The following ESYT2 variants were observed in gnomAD, a reference collection of about 807,000 sequenced individuals.
ESYT2 encodes the protein extended synaptotagmin 2.
ESYT2 carries 54 observed loss-of-function variants against 107.2 expected under a neutral mutation model. The ratio of observed to expected loss-of-function variants is 0.50; its 90% confidence interval spans 0.40 to 0.63. The LOEUF (loss-of-function observed/expected upper bound fraction) is 0.63, where lower values mean the gene tolerates loss of function less well. Among genes scored for constraint, ESYT2 ranks in the 30% least tolerant of loss-of-function variants. The pLI, the probability that ESYT2 is intolerant of heterozygous loss-of-function variation, is 0.00. For missense variants in ESYT2, 1,020 were observed against 1,094.5 expected, an observed-to-expected ratio of 0.93 and a Z score of 0.96; for synonymous variants, 491 against 434.1, an observed-to-expected ratio of 1.13 and a Z score of -1.63.
chr7:158,737,814 C>A (rs570010417), intron 19 of ESYT2, among the ~76,000 whole-genome samples: 1 of 152,064 alleles, frequency 6.6e-6, no homozygotes, highest in South Asian at 2.1e-4. Flanking sequence ...TTATAAGCAC[C>A]AAATTTTTAT....
rs1219081286 is a variant in ESYT2 at position 158,731,912 on chromosome 7, G to C, written c.*2295C>G. 1.3e-5 allele frequency: 2 copies of C among 152,416 alleles called. No homozygotes were observed. The highest frequency in any genetic ancestry group is 2.9e-5 in the Non-Finnish European group (2 of 68,048). 9.4% of individuals were successfully genotyped at this position (152,416 alleles called of 1,614,324 possible). On this transcript the variant is annotated 3_prime_UTR_variant, in exon 23 of 23. Coordinates refer to ENST00000275418, the MANE Select transcript of ESYT2 (RefSeq NM_001367773.1). ...TCCTCCACATCTGGGAGGCACTTCA[G>C]TGCCTCAGAATCACCCCCTTTTTTT...
chr7:158,762,850 T>C (rs1267525938), intron 10 of ESYT2, among the ~76,000 whole-genome samples: 1 of 152,244 alleles, frequency 6.6e-6, no homozygotes, highest in East Asian at 1.9e-4. Context: ...AACTTAAGGC[T>C]AGTGCCTGCT....
Position 158,829,406 on chromosome 7 carries a change from G to T in ESYT2, c.13C>A (p.Arg5=), listed in dbSNP as rs1405552236. Residue 5 remains arginine (R), a synonymous_variant, in exon 1 of 23, where the codon CGG becomes AGG. Transcript: ENST00000275418. MSGA[R]GEGPEAGAGG... ...GCGCCCGCCTCCGGGCCCTCGCCCCGGGCGCCGCTCATCGCCCCGCAGTGC... is the reference window on the plus strand; with the variant it reads ...GCGCCCGCCTCCGGGCCCTCGCCCCTGGCGCCGCTCATCGCCCCGCAGTGC... 25 of 1,201,936 alleles carry T rather than the reference G, an allele frequency of 2.1e-5. No homozygotes were observed. The highest frequency in any genetic ancestry group is 2.6e-5 in the Non-Finnish European group (25 of 974,362). The allele number at this position is 1,201,936 out of a possible 1,614,324, so 74.5% of individuals were successfully genotyped here.
At chr7:158,797,892 T>C (rs1244322184) in intron 3 of ESYT2, 50 bp downstream of exon 3, 1 of 1,575,018 alleles carries the variant, frequency 6.3e-7, no homozygotes, top group Admixed American at 2.1e-5. Context: ...TTTTGTGTTT[T>C]CACAGCAATC....
chr7:158,828,965 C>T, intron 1 of ESYT2, 124 bp downstream of exon 1: 2 of 1,407,304 alleles, frequency 1.4e-6, no homozygotes, highest in Middle Eastern at 2.6e-4. Flanking sequence ...AAGGCGGGAG[C>T]CGGGGCAGGG....
At chr7:158,755,472 T>C (rs1016416195) in intron 13 of ESYT2, among the ~76,000 whole-genome samples, 4 of 152,098 alleles carry the variant, frequency 2.6e-5, no homozygotes, top group South Asian at 4.1e-4. Context: ...AAGGAAGCAG[T>C]TGTAGAATGG....
intron 18 of ESYT2, among the ~76,000 whole-genome samples, chr7:158,739,399 T>C (rs1260318291): frequency 6.6e-6 from 1 of 152,188 alleles, no homozygotes; most frequent in Non-Finnish European, 1.5e-5. Flanking sequence ...TAGGCTGGAG[T>C]GCAATGGCGC....
intron 1 of ESYT2, among the ~76,000 whole-genome samples, chr7:158,814,082 G>A (rs566829724): frequency 6.6e-6 from 1 of 151,982 alleles, no homozygotes; most frequent in Non-Finnish European, 1.5e-5. Flanking sequence ...GATCATCCTG[G>A]CCAACATGGT....
At position 158,731,119 on chromosome 7, in the gene ESYT2, G is replaced by C. The variant is rs1245579584; in HGVS notation, c.*3088C>G. On this transcript the variant is annotated 3_prime_UTR_variant, in exon 23 of 23. Transcript: ENST00000275418. The stretch of plus-strand genomic sequence containing the variant: ...CACCGCTGTTCTCTATTTGCAGTGG[G>C]GGGTCCAGCTGGAGGTGGAATAAAT... 1 of 152,134 alleles carries C rather than the reference G, an allele frequency of 6.6e-6. No individual in the cohort carries two copies. Among genetic ancestry groups the C allele is most frequent in the African/African-American group, 2.4e-5 (1 of 41,406 alleles). 9.4% of individuals were successfully genotyped at this position (152,134 alleles called of 1,614,324 possible).
rs567457306 is a variant in ESYT2, at chr7:158,766,340, C to T, written c.924+1314G>A. Among the ~76,000 whole-genome samples, 4 of 152,284 alleles carry T rather than the reference C, an allele frequency of 2.6e-5. No homozygotes were observed. The South Asian group carries it at 8.3e-4, about 32-fold the overall frequency. ...TATTGACAGCACCGGCTGTTAAGCC[C>T]ATGCAGCTGAGGGCAGCCAGATCCA... is the stretch of plus-strand genomic sequence containing the variant. On this transcript the variant is annotated intron_variant, in intron 8 of 22. Coordinates refer to ENST00000275418, the MANE Select transcript of ESYT2 (RefSeq NM_001367773.1).
At chr7:158,761,370 G>A in intron 11 of ESYT2, 126 bp downstream of exon 11, 2 of 754,492 alleles carry the variant, frequency 2.7e-6, no homozygotes, top group Non-Finnish European at 4.6e-6. Context: ...AGTAAATGTT[G>A]TTCATGCCAT....
At chr7:158,801,815 T>C (rs1016721076) in intron 1 of ESYT2, among the ~76,000 whole-genome samples, 2 of 117,398 alleles carry the variant, frequency 1.7e-5, no homozygotes, top group African/African-American at 6.5e-5. Context: ...AACAAAGGCG[T>C]ATTTTAGATT....
rs1284052094 is a variant in ESYT2, at chr7:158,829,472, T to C, written c.-54A>G. On this transcript the variant is annotated 5_prime_UTR_variant, in exon 1 of 23. Coordinates refer to ENST00000275418, the MANE Select transcript of ESYT2 (RefSeq NM_001367773.1). ...GCCGAGGCGGGCTGGGTGCTCGCGC[T>C]GATCCCGGGCGGCTCAGCCCCGCGC... 1 of 1,210,364 alleles carries C rather than the reference T, an allele frequency of 8.3e-7. No homozygotes were observed. The highest frequency in any genetic ancestry group is 1.6e-5 in the African/African-American group (1 of 63,010). The allele number at this position is 1,210,364 out of a possible 1,614,324, so 75.0% of individuals were successfully genotyped here. A position where few individuals can be genotyped will look rare whatever the true frequency, so the allele number is the denominator to read the frequency against.
chr7:158,750,851 C>A (rs1436167481), intron 14 of ESYT2, among the ~76,000 whole-genome samples: 1 of 152,220 alleles, frequency 6.6e-6, no homozygotes, highest in African/African-American at 2.4e-5. Context: ...TCTGGCCCCA[C>A]AGGAGGCTGT....
At chr7:158,803,282 C>T (rs570820485) in intron 1 of ESYT2, among the ~76,000 whole-genome samples, 4 of 152,344 alleles carry the variant, frequency 2.6e-5, no homozygotes, top group South Asian at 2.1e-4. Context: ...AACATCTAAG[C>T]GGGTAGCTTT....
chr7:158,778,756 T>G (rs894862286), intron 6 of ESYT2, among the ~76,000 whole-genome samples: 1 of 152,160 alleles, frequency 6.6e-6, no homozygotes, highest in Non-Finnish European at 1.5e-5. Context: ...ACAAAACATG[T>G]TTGCAGTTGA....
intron 14 of ESYT2, among the ~76,000 whole-genome samples, chr7:158,751,720 C>T (rs1055360193): frequency 2.6e-5 from 4 of 152,106 alleles, no homozygotes; most frequent in African/African-American, 9.7e-5. Context: ...CTACAAATAA[C>T]ACAACAGAGT....
At chr7:158,803,605 C>T (rs764517022) in intron 1 of ESYT2, among the ~76,000 whole-genome samples, 8 of 152,172 alleles carry the variant, frequency 5.3e-5, no homozygotes, top group Non-Finnish European at 1.0e-4. Context: ...AAAGTCAGCG[C>T]AAATGGTCAG....
intron 1 of ESYT2, among the ~76,000 whole-genome samples, chr7:158,812,966 T>C (rs1182345426): frequency 6.6e-6 from 1 of 152,130 alleles, no homozygotes; most frequent in Non-Finnish European, 1.5e-5. Context: ...CAAAACAGGG[T>C]TCCTTTTAGG....
Sources: gnomAD v4.1 joint callset for allele counts (sites outside exome capture counted in the v4.1 genomes callset) on GRCh38, gnomAD v4.1.1 for gene constraint, MANE v1.5 for transcripts, NCBI Gene and HGNC (gene_info 2026-07-23, HGNC 2026-07-21) for gene names.